Variants in ADAMTS16 observed in about 807,000 individuals in gnomAD.
ADAMTS16 encodes the protein A disintegrin and metalloproteinase with thrombospondin motifs 16.
In ADAMTS16, 94 loss-of-function variants were observed where a neutral mutation model predicts 145.8. That is an observed-to-expected ratio of 0.64 (90% confidence interval 0.55 to 0.77). The LOEUF is 0.77. ADAMTS16 is among the 30% of genes least tolerant of loss of function. ADAMTS16 has a pLI of 0.00. For missense variants in ADAMTS16, 1,585 were observed against 1,591.5 expected (o/e 1.00, Z 0.07); for synonymous variants, 659 against 604.3 (o/e 1.09, Z -1.33).
chr5:5,259,773 A>G lies in ADAMTS16; in HGVS notation c.2663-2884A>G, dbSNP rs562604814. The stretch of plus-strand genomic sequence containing the variant: ...TGTATCTGCAGCTTTCTTGTTAGGA[A>G]CAAAAGGAAAGGCAGCTTTTTACAT... On this transcript the variant is annotated intron_variant, in intron 17 of 22. Transcript: ENST00000274181. Among the ~76,000 whole-genome samples the G allele has an allele frequency of 3.9e-5, 6 of 152,356 alleles. No homozygotes were observed. In the South Asian group the frequency reaches 1.2e-3, roughly 32 times the overall value.
intron 3 of ADAMTS16, among the ~76,000 whole-genome samples, chr5:5,181,704 G>A (rs970381614): frequency 1.2e-4 from 19 of 152,256 alleles, no homozygotes; most frequent in African/African-American, 4.3e-4. Context: ...AAGTGTGCAC[G>A]TGTTCTTTCT....
intron 21 of ADAMTS16, among the ~76,000 whole-genome samples, chr5:5,312,052 C>A (rs1740474434): frequency 6.6e-6 from 1 of 152,092 alleles, no homozygotes; most frequent in South Asian, 2.1e-4. Context: ...AGTGTCCGAG[C>A]CTGTCTGCTG....
At position 5,232,613 on chromosome 5, in the gene ADAMTS16, T is replaced by TC. The variant is rs1736967193; in HGVS notation, c.1850+97_1850+98insC. The TC allele has an allele frequency of 1.3e-5, 19 of 1,489,612 alleles. No homozygotes were observed. In the African/African-American group the frequency reaches 1.3e-4, roughly 10 times the overall value. 92.3% of individuals were successfully genotyped at this position (1,489,612 alleles called of 1,614,324 possible). A position where few individuals can be genotyped will look rare whatever the true frequency, so the allele number is the denominator to read the frequency against. Reference sequence around the variant, plus strand: ...TGTGTCTCAGCTCTTTTTTTTTTTTTTTTTTTTTGAGATGGAGTCTCGCTC... The same window carrying TC: ...TGTGTCTCAGCTCTTTTTTTTTTTTTCTTTTTTTTGAGATGGAGTCTCGCTC... On this transcript the variant is annotated intron_variant, in intron 12 of 22. Coordinates refer to ENST00000274181, the MANE Select transcript of ADAMTS16 (RefSeq NM_139056.4).
intron 14 of ADAMTS16, among the ~76,000 whole-genome samples, chr5:5,237,433 G>A (rs1451098826): frequency 3.3e-5 from 5 of 152,166 alleles, no homozygotes; most frequent in Non-Finnish European, 5.9e-5. Flanking sequence ...GAGAGGGGAC[G>A]TGGTGGTGCC....
intron 3 of ADAMTS16, among the ~76,000 whole-genome samples, chr5:5,165,774 G>C (rs966253734): frequency 6.6e-6 from 1 of 152,202 alleles, no homozygotes; most frequent in African/African-American, 2.4e-5. Context: ...GGGATGGAGT[G>C]AGTGTGAGTG....
At chr5:5,173,053 T>G (rs1400605113) in intron 3 of ADAMTS16, among the ~76,000 whole-genome samples, 1 of 152,162 alleles carries the variant, frequency 6.6e-6, no homozygotes, top group East Asian at 1.9e-4. Flanking sequence ...GCCCTTTTTT[T>G]TCCCATCTGC....
chr5:5,200,081 T>C (rs1735914063), intron 8 of ADAMTS16, 51 bp from the exon 9 acceptor site: 40 of 1,534,346 alleles, frequency 2.6e-5, no homozygotes, highest in Non-Finnish European at 3.4e-5. Context: ...TCAGATAATT[T>C]AAACTGTTTT....
intron 18 of ADAMTS16, among the ~76,000 whole-genome samples, chr5:5,299,951 G>T (rs1471545534): frequency 3.9e-5 from 6 of 152,222 alleles, no homozygotes; most frequent in African/African-American, 1.4e-4. Context: ...GAGCTGAAAT[G>T]AAGACATTCC....
In ADAMTS16 at chr5:5,194,283, T is replaced by C. The variant is rs925991294; in HGVS notation, c.1313+2493T>C. On this transcript the variant is annotated intron_variant, in intron 8 of 22. Coordinates refer to ENST00000274181, the MANE Select transcript of ADAMTS16 (RefSeq NM_139056.4). ...GACCATGTTGAGAAAATAGAAAATA[T>C]ATGTATCTATCATGTGCTAAATGCC... Among the ~76,000 whole-genome samples, 72 of 152,306 alleles carry C rather than the reference T, an allele frequency of 4.7e-4. 1 individual carries two copies. Among genetic ancestry groups the C allele is most frequent in the African/African-American group, 1.6e-3 (67 of 41,564 alleles).
At position 5,182,304 on chromosome 5, in the gene ADAMTS16, A is replaced by G. The variant is rs1443948292; in HGVS notation, c.762A>G (p.Lys254=). 1 of 1,611,126 alleles carries G rather than the reference A, an allele frequency of 6.2e-7. No homozygotes were observed. Among genetic ancestry groups the G allele is most frequent in the Non-Finnish European group, 8.5e-7 (1 of 1,177,838 alleles). Residue 254 remains lysine (K), a splice_region_variant and synonymous_variant, in exon 4 of 23, where the codon AAA becomes AAG. Transcript: ENST00000274181. ...AGCATTTCTGTGGAAGACGCAAGAA[A>G]TGTATGTAAGGGCGAATCTTTGTGT... ...QKQHFCGRRK[K]YMPQPPKEDL...
rs1740370497 is a variant in ADAMTS16 at position 5,310,328 on chromosome 5, G to A, written c.3411+3600G>A. Among the ~76,000 whole-genome samples, 2 of 152,040 alleles carry A rather than the reference G, an allele frequency of 1.3e-5. No homozygotes were observed. Among genetic ancestry groups the A allele is most frequent in the Admixed American group, 6.5e-5 (1 of 15,274 alleles). On this transcript the variant is annotated intron_variant, in intron 21 of 22. Coordinates refer to ENST00000274181, the MANE Select transcript of ADAMTS16 (RefSeq NM_139056.4). The surrounding 1 kb of genome is among the most constrained non-coding windows in gnomAD (Gnocchi z 4.3). ...CCTTTTCTGTGGCCACTTCCAGCCC[G>A]CCACTGGTCATCTCTCCTCTGGAGA... is the stretch of plus-strand genomic sequence containing the variant.
intron 18 of ADAMTS16, among the ~76,000 whole-genome samples, chr5:5,272,550 A>G (rs1738525611): frequency 6.6e-6 from 1 of 151,518 alleles, no homozygotes; most frequent in African/African-American, 2.4e-5. Context: ...TATTTTTAGT[A>G]GAGATGGGGT....
chr5:5,208,707 T>A (rs1166398609), intron 9 of ADAMTS16, among the ~76,000 whole-genome samples: 2 of 152,188 alleles, frequency 1.3e-5, no homozygotes, highest in East Asian at 1.9e-4. Context: ...ATAGAGTATG[T>A]TTTATTTTTA....
At chr5:5,240,068 C>G (rs1044995299) in intron 16 of ADAMTS16, 143 bp downstream of exon 16, 1 of 1,346,570 alleles carries the variant, frequency 7.4e-7, no homozygotes, top group Middle Eastern at 2.7e-4. Flanking sequence ...AATGAGGCAG[C>G]AGGCTTGTTT....
intron 10 of ADAMTS16, among the ~76,000 whole-genome samples, chr5:5,218,412 G>A (rs1736495855): frequency 6.6e-6 from 1 of 152,140 alleles, no homozygotes; most frequent in African/African-American, 2.4e-5. Flanking sequence ...CAGACAGGCA[G>A]GTACAGAGAC....
chr5:5,199,525 C>T (rs534504231), intron 8 of ADAMTS16, among the ~76,000 whole-genome samples: 3 of 152,288 alleles, frequency 2.0e-5, no homozygotes, highest in South Asian at 2.1e-4. Context: ...AAGCACAGCC[C>T]GCCCATCACA....
chr5:5,206,669 A>T (rs1175330959), intron 9 of ADAMTS16, among the ~76,000 whole-genome samples: 1 of 151,592 alleles, frequency 6.6e-6, no homozygotes, highest in African/African-American at 2.4e-5. Context: ...TTTAGTAGAG[A>T]CAGGAATTCA....
At chr5:5,169,379 G>A (rs956043100) in intron 3 of ADAMTS16, among the ~76,000 whole-genome samples, 1 of 152,184 alleles carries the variant, frequency 6.6e-6, no homozygotes, top group Non-Finnish European at 1.5e-5. Context: ...GGACCTAGGA[G>A]GACCCCCACA....
chr5:5,145,092 A>G (rs1734259660), intron 2 of ADAMTS16, among the ~76,000 whole-genome samples: 1 of 152,196 alleles, frequency 6.6e-6, no homozygotes. Flanking sequence ...GGAGATTATG[A>G]GCCTACCACT....
Sources: gnomAD v4.1 joint callset for allele counts (sites outside exome capture counted in the v4.1 genomes callset) on GRCh38, gnomAD v4.1.1 for gene constraint, Gnocchi (gnomAD v3.1) non-coding constraint, MANE v1.5 for transcripts, NCBI Gene and HGNC (gene_info 2026-07-23, HGNC 2026-07-21) for gene names.